OPA1: variants seen among roughly 807,000 people sequenced by gnomAD.
OPA1 encodes the protein OPA1 mitochondrial dynamin like GTPase, also known as dynamin-like GTPase OPA1, mitochondrial.
Under a neutral mutation model 152.9 loss-of-function variants are expected in OPA1, and 59 were observed. The ratio of observed to expected loss-of-function variants is 0.39; its 90% CI spans 0.31 to 0.48. The LOEUF (loss-of-function observed/expected upper bound fraction) is 0.48, where lower values mean the gene tolerates loss of function less well. Ranked by LOEUF, OPA1 falls within the 20% of genes least tolerant of loss-of-function variation. The pLI is 0.96. For missense variants in OPA1, 1,008 were observed against 1,216.8 expected (o/e 0.83, Z 2.55); for synonymous variants, 400 against 389.9 (o/e 1.03, Z -0.31).
At chr3:193,648,969 G>A (rs572613413) in intron 21 of OPA1, 98 bp downstream of exon 21, 2 of 911,632 alleles carry the variant, frequency 2.2e-6, no homozygotes, top group East Asian at 2.5e-5. Flanking sequence ...ATTTATTGTT[G>A]CCTTGGCTCA....
intron 29 of OPA1, among the ~76,000 whole-genome samples, chr3:193,679,734 A>G (rs1326935043): frequency 6.6e-6 from 1 of 152,174 alleles, no homozygotes; most frequent in Non-Finnish European, 1.5e-5. Flanking sequence ...GATCTATAAC[A>G]ATGAATTTGC....
intron 29 of OPA1, among the ~76,000 whole-genome samples, chr3:193,680,642 C>T (rs986047108): frequency 3.9e-5 from 6 of 152,058 alleles, no homozygotes; most frequent in African/African-American, 1.4e-4. Context: ...TGCTTTCCTC[C>T]TAACTAAATC....
At chr3:193,668,370 C>A in intron 29 of OPA1, 5 of 1,551,422 alleles carry the variant, frequency 3.2e-6, no homozygotes, top group Non-Finnish European at 4.4e-6. Context: ...CACCACATGG[C>A]GCCGCACCCA....
At chr3:193,674,226 T>G (rs1473426615) in intron 29 of OPA1, among the ~76,000 whole-genome samples, 1 of 152,252 alleles carries the variant, frequency 6.6e-6, no homozygotes, top group Admixed American at 6.5e-5. Context: ...CTTCATCCTG[T>G]GCTTTCTCTT....
intron 18 of OPA1, among the ~76,000 whole-genome samples, chr3:193,646,275 A>G (rs186774607): frequency 6.4e-4 from 97 of 152,322 alleles, no homozygotes; most frequent in East Asian, 4.6e-3. Flanking sequence ...GTTTCTGGAA[A>G]TAGAAAAGTA....
At chr3:193,633,002 A>G (rs1466665224) in intron 8 of OPA1, among the ~76,000 whole-genome samples, 1 of 152,140 alleles carries the variant, frequency 6.6e-6, no homozygotes, top group Non-Finnish European at 1.5e-5. Context: ...ATTAGGGATA[A>G]TCAGTCAGTA....
chr3:193,618,665 G>T, intron 5 of OPA1: 1 of 547,458 alleles, frequency 1.8e-6, no homozygotes, highest in Non-Finnish European at 3.2e-6. Context: ...CATATGCTGC[G>T]ATTGCTATAG....
rs1715777523 is a variant in OPA1, at chr3:193,663,434, TTG to T, written c.2661+474_2661+475del. Among the ~76,000 whole-genome samples the T allele has an allele frequency of 2.0e-5, 3 of 152,176 alleles. No homozygotes were observed. The East Asian group carries it at 5.8e-4, about 29-fold the overall frequency. On this transcript the variant is annotated intron_variant, in intron 26 of 30. Transcript: ENST00000361510. ...ATATGACCATTGAGTTCTTTCTCCA[TTG>T]TCCTCTTTTGTTAATGTGAGAATAA... is the stretch of plus-strand genomic sequence containing the variant.
At chr3:193,596,771 C>G (rs1224360288) in intron 1 of OPA1, 1 of 152,212 alleles carries the variant, frequency 6.6e-6, no homozygotes, top group East Asian at 1.9e-4. Context: ...GCTCTGTATA[C>G]TCTCAAGTCT....
chr3:193,692,672 A>G (rs1356211816), intron 30 of OPA1, among the ~76,000 whole-genome samples: 2 of 152,210 alleles, frequency 1.3e-5, no homozygotes, highest in East Asian at 3.8e-4. Flanking sequence ...GCTTTCTGGC[A>G]TTAGAGGCAT....
chr3:193,615,062 G>C (rs765192849), intron 2 of OPA1, 21 bp downstream of exon 2: 2 of 1,574,882 alleles, frequency 1.3e-6, no homozygotes. Context: ...CATTCCTCCT[G>C]GTTTTCCAAT....
At chr3:193,681,147 A>T (rs767473642) in intron 29 of OPA1, among the ~76,000 whole-genome samples, 22 of 152,222 alleles carry the variant, frequency 1.4e-4, no homozygotes, top group Admixed American at 1.2e-3. Context: ...AAATAAAAAT[A>T]ATTTACTTTT....
Position 193,614,992 on chromosome 3 carries a change from G to A in OPA1, c.302G>A (p.Arg101His), listed in dbSNP as rs201856560. 20 of 1,613,988 alleles carry A rather than the reference G, an allele frequency of 1.2e-5. No individual in the cohort carries two copies. Among genetic ancestry groups the A allele is most frequent in the African/African-American group, 2.7e-5 (2 of 74,890 alleles). ...ARLATRLLKL[R>H]YLILGSAVGG... The stretch of plus-strand genomic sequence containing the variant: ...TTAGCTACGAGACTCTTAAAACTTC[G>A]CTATCTCATACTAGGATCGGCTGTT... Residue 101 changes from arginine to histidine, a missense_variant, in exon 2 of 31, where the codon CGC becomes CAC. Physicochemically the swap from Arg to His is conservative, Grantham distance 29 (BLOSUM62 0). Coordinates refer to ENST00000361510, the MANE Select transcript of OPA1 (RefSeq NM_130837.3).
chr3:193,655,137 T>C, intron 22 of OPA1, 110 bp downstream of exon 22: 2 of 962,464 alleles, frequency 2.1e-6, no homozygotes, highest in Non-Finnish European at 3.2e-6. Flanking sequence ...TTTAGGTCTT[T>C]ATATCTCATT....
chr3:193,682,986 A>G (rs1002829570), intron 29 of OPA1, among the ~76,000 whole-genome samples: 1 of 150,518 alleles, frequency 6.6e-6, no homozygotes, highest in African/African-American at 2.4e-5. Flanking sequence ...TGGATTTAGG[A>G]GAAAAAAAAA....
At chr3:193,631,558 G>A in intron 7 of OPA1, 54 bp from the exon 8 acceptor site, 1 of 1,340,590 alleles carries the variant, frequency 7.5e-7, no homozygotes, top group Non-Finnish European at 1.1e-6. Flanking sequence ...TTAACTTGCT[G>A]TACATTCTGT....
intron 29 of OPA1, among the ~76,000 whole-genome samples, chr3:193,683,893 T>C (rs1560073888): frequency 6.6e-6 from 1 of 152,218 alleles, no homozygotes; most frequent in African/African-American, 2.4e-5. Flanking sequence ...ATACGCTTTA[T>C]TGTGGCAGTC....
chr3:193,687,538 T>TCC (rs1262441052), intron 29 of OPA1, among the ~76,000 whole-genome samples: 4 of 152,220 alleles, frequency 2.6e-5, no homozygotes, highest in Non-Finnish European at 5.9e-5. Context: ...GTCATGCTGA[T>TCC]CCATACACGT....
Position 193,643,517 on chromosome 3 carries a change from T to C in OPA1, c.1378-11T>C, listed in dbSNP as rs1734094951. ...GCATTTATAATGACATTTAAAACCT[T>C]TTTCTTTAAGACTGTGACATCAGGC... On this transcript the variant is annotated splice_polypyrimidine_tract_variant and intron_variant, in intron 14 of 30. Transcript: ENST00000361510. The C allele has an allele frequency of 6.2e-7, 1 of 1,613,138 alleles. No individual in the cohort carries two copies. Among genetic ancestry groups the C allele is most frequent in the Non-Finnish European group, 8.5e-7 (1 of 1,179,346 alleles).
Sources: gnomAD v4.1 joint callset for allele counts (sites outside exome capture counted in the v4.1 genomes callset) on GRCh38, gnomAD v4.1.1 for gene constraint, MANE v1.5 for transcripts, NCBI Gene and HGNC (gene_info 2026-07-23, HGNC 2026-07-21) for gene names.